Variants in RBFOX3 observed in about 807,000 individuals in gnomAD.
RBFOX3 encodes RNA binding fox-1 homolog 3.
Under a neutral mutation model 48.7 loss-of-function variants are expected in RBFOX3, and 17 were observed. The ratio of observed to expected loss-of-function variants is 0.35; its 90% CI spans 0.24 to 0.52. The LOEUF is 0.52. RBFOX3 is among the 20% of genes least tolerant of loss of function. RBFOX3 has a pLI of 0.94. For synonymous variants in RBFOX3, 212 were observed against 209.5 expected (o/e 1.01, Z -0.10); for missense variants, 382 against 497.5 (o/e 0.77, Z 2.21).
At chr17:79,385,717 CAGA>C (rs2060475592) in intron 2 of RBFOX3, among the ~76,000 whole-genome samples, 3 of 152,308 alleles carry the variant, frequency 2.0e-5, no homozygotes, top group Admixed American at 2.0e-4. Context: ...GCTCCCATAA[CAGA>C]AGGAGGCTCT....
intron 4 of RBFOX3, among the ~76,000 whole-genome samples, chr17:79,126,656 C>T (rs1167531809): frequency 2.0e-5 from 3 of 152,354 alleles, no homozygotes; most frequent in Admixed American, 6.5e-5. Flanking sequence ...ATCCTCGTCT[C>T]TGGCTGCAAT....
chr17:79,491,060 AGGGG>A, intron 1 of RBFOX3, among the ~76,000 whole-genome samples: 1 of 10,336 alleles, frequency 9.7e-5, no homozygotes, highest in Non-Finnish European at 1.6e-4. Context: ...AGGAGAGGGG[AGGGG>A]AGGGGAGGGG....
At chr17:79,623,460 G>A in the RBFOX3 span, among the ~76,000 whole-genome samples, 5 of 152,164 alleles carry the variant, frequency 3.3e-5, no homozygotes, top group African/African-American at 1.2e-4. Context: ...TGGTGACCTT[G>A]AGATGGGAGG....
At chr17:79,408,921 A>G (rs547747392) in intron 2 of RBFOX3, among the ~76,000 whole-genome samples, 38 of 152,260 alleles carry the variant, frequency 2.5e-4, no homozygotes, top group African/African-American at 8.4e-4. Flanking sequence ...CACTGTCTCT[A>G]TCAACTTCAA....
At chr17:79,424,984 A>G (rs1283935389) in intron 2 of RBFOX3, among the ~76,000 whole-genome samples, 1 of 152,030 alleles carries the variant, frequency 6.6e-6, no homozygotes, top group South Asian at 2.1e-4. Flanking sequence ...CTGTCGCCCG[A>G]TGGCTTGCTG....
rs182197569 is a variant in RBFOX3, at chr17:79,361,854, C to A, written c.-174-54030G>T. The stretch of plus-strand genomic sequence containing the variant: ...GATTTAGTCATTTTTATATGGCTCA[C>A]AAGGCATAGGCAGATTTCTCTGTTT... On this transcript the variant is annotated intron_variant, in intron 2 of 14. Transcript: ENST00000693108. This position sits in a 1 kb window ranked among gnomAD's most constrained non-coding sequence, Gnocchi z 4.5. 1.3e-5 allele frequency among the ~76,000 whole-genome samples: 2 copies of A among 152,198 alleles called. No individual in the cohort carries two copies. The highest frequency in any genetic ancestry group is 4.8e-5 in the African/African-American group (2 of 41,450).
At chr17:79,170,487 G>T (rs1394337793) in intron 4 of RBFOX3, among the ~76,000 whole-genome samples, 1 of 152,074 alleles carries the variant, frequency 6.6e-6, no homozygotes, top group African/African-American at 2.4e-5. Flanking sequence ...GGCTGGGGGG[G>T]CAAGGCCTGG....
At chr17:79,283,738 C>T (rs988925194) in intron 3 of RBFOX3, among the ~76,000 whole-genome samples, 1 of 152,244 alleles carries the variant, frequency 6.6e-6, no homozygotes, top group African/African-American at 2.4e-5. Context: ...CCTTGCCCAT[C>T]ATGCAGAGCG....
At chr17:79,395,778 G>A (rs1247086571) in intron 2 of RBFOX3, among the ~76,000 whole-genome samples, 1 of 152,238 alleles carries the variant, frequency 6.6e-6, no homozygotes, top group Non-Finnish European at 1.5e-5. Context: ...ACGTGACCAG[G>A]AGCCCATCAC....
At chr17:79,509,349 T>A (rs1198547222) in intron 1 of RBFOX3, among the ~76,000 whole-genome samples, 3 of 151,588 alleles carry the variant, frequency 2.0e-5, no homozygotes, top group Admixed American at 2.0e-4. Flanking sequence ...GCCCTGGTCC[T>A]CCCCACACCC....
intron 4 of RBFOX3, chr17:79,136,056 C>G (rs988720878): frequency 6.6e-6 from 1 of 152,268 alleles, no homozygotes; most frequent in Admixed American, 6.5e-5. Flanking sequence ...TACATCTGGA[C>G]GGGTGAAGAC....
At chr17:79,294,013 G>A (rs1487748305) in intron 3 of RBFOX3, among the ~76,000 whole-genome samples, 1 of 152,190 alleles carries the variant, frequency 6.6e-6, no homozygotes, top group Non-Finnish European at 1.5e-5. Context: ...GTCTCACAGA[G>A]TCACCTGTCC....
intron 4 of RBFOX3, among the ~76,000 whole-genome samples, chr17:79,173,200 A>G (rs994671472): frequency 1.3e-5 from 2 of 151,438 alleles, no homozygotes; most frequent in Non-Finnish European, 2.9e-5. Context: ...ACAGAACGAG[A>G]CTGTCAAATA....
chr17:79,324,923 C>T (rs968392970), intron 2 of RBFOX3, among the ~76,000 whole-genome samples: 6 of 152,242 alleles, frequency 3.9e-5, no homozygotes, highest in Non-Finnish European at 8.8e-5. Context: ...CAAGGACTAT[C>T]CTCTGCCTGG....
chr17:79,169,010 G>A (rs1246914436), intron 4 of RBFOX3, among the ~76,000 whole-genome samples: 1 of 152,162 alleles, frequency 6.6e-6, no homozygotes, highest in Non-Finnish European at 1.5e-5. Flanking sequence ...CCCCAAACAC[G>A]CACACTGGCT....
intron 2 of RBFOX3, among the ~76,000 whole-genome samples, chr17:79,308,948 A>T (rs1194771620): frequency 1.3e-5 from 2 of 152,046 alleles, no homozygotes; most frequent in Non-Finnish European, 2.9e-5. Flanking sequence ...GTGAAACCCC[A>T]TCTCTACTAA....
chr17:79,156,057 T>C lies in RBFOX3; in HGVS notation c.-33-40309A>G, dbSNP rs952836773. Among the ~76,000 whole-genome samples, 3 of 152,268 alleles carry C rather than the reference T, an allele frequency of 2.0e-5. No individual in the cohort carries two copies. The South Asian group carries it at 6.2e-4, about 32-fold the overall frequency. ...CTCGTCCCTCGGCCAGGCCTAGCCA[T>C]CCCCTGGTGCCTGAGTCCAATCTGG... On this transcript the variant is annotated intron_variant, in intron 4 of 14. Transcript: ENST00000693108.
chr17:79,573,457 T>C (rs1172243215), intron 1 of RBFOX3, among the ~76,000 whole-genome samples: 5 of 152,154 alleles, frequency 3.3e-5, no homozygotes, highest in African/African-American at 1.2e-4. Context: ...GCTTCCAGGC[T>C]GAGCACTCGG....
chr17:79,134,309 T>C (rs552937957), intron 4 of RBFOX3, among the ~76,000 whole-genome samples: 1 of 152,370 alleles, frequency 6.6e-6, no homozygotes, highest in South Asian at 2.1e-4. Context: ...TGGTGGAATG[T>C]GGTTGGAAAA....
Sources: gnomAD v4.1 joint callset for allele counts (sites outside exome capture counted in the v4.1 genomes callset) on GRCh38, gnomAD v4.1.1 for gene constraint, Gnocchi (gnomAD v3.1) non-coding constraint, MANE v1.5 for transcripts, NCBI Gene and HGNC (gene_info 2026-07-23, HGNC 2026-07-21) for gene names.